The following PTK2 variants were observed in gnomAD, a reference collection of about 807,000 sequenced individuals.
PTK2 encodes the protein protein tyrosine kinase 2.
A neutral mutation model predicts 150.1 loss-of-function variants in PTK2; 45 were observed. That is an observed-to-expected ratio of 0.30 (90% CI 0.24 to 0.38). The LOEUF is 0.38. PTK2 is among the 10% of genes least tolerant of loss of function. The probability of loss-of-function intolerance (pLI) is 1.00; values close to 1 mark genes in which losing one functional copy is unlikely to be tolerated. For synonymous variants in PTK2, 432 were observed against 449.2 expected, an observed-to-expected ratio of 0.96 and a Z score of 0.48; for missense variants, 919 against 1,307.3, an observed-to-expected ratio of 0.70 and a Z score of 4.58.
At chr8:140,865,358 CT>C (rs1051933534) in intron 4 of PTK2, among the ~76,000 whole-genome samples, 10 of 152,232 alleles carry the variant, frequency 6.6e-5, no homozygotes, top group Non-Finnish European at 1.0e-4. Context: ...GCCTCCACCC[CT>C]GGCCATGTTC....
intron 7 of PTK2, among the ~76,000 whole-genome samples, chr8:140,833,748 C>A (rs1258164326): frequency 6.6e-6 from 1 of 152,162 alleles, no homozygotes; most frequent in East Asian, 1.9e-4. Flanking sequence ...TAATTCCTTA[C>A]TATATTAACT....
At position 140,902,924 on chromosome 8, in the gene PTK2, G is replaced by GTTTTTTGTTTTTTTTTT. The variant is rs2100159140; in HGVS notation, c.-32-12156_-32-12155insAAAAAAAAAACAAAAAA. 2.5e-4 allele frequency among the ~76,000 whole-genome samples: 15 copies of GTTTTTTGTTTTTTTTTT among 58,946 alleles called. 1 individual carries two copies. The highest frequency in any genetic ancestry group is 4.6e-4 in the Non-Finnish European group (12 of 26,328). 38.7% of individuals were successfully genotyped at this position (58,946 alleles called of 152,430 possible). On this transcript the variant is annotated intron_variant, in intron 2 of 31. Coordinates refer to ENST00000522684, the Ensembl canonical transcript of PTK2. ...TTGCCTGTTCACTCTGATGAGAGTT[G>GTTTTTTGTTTTTTTTTT]TTTTTTTTTTTTTTTTTTTTTTTTT...
At chr8:140,715,084 A>C (rs1420128367) in intron 23 of PTK2, among the ~76,000 whole-genome samples, 1 of 147,736 alleles carries the variant, frequency 6.8e-6, no homozygotes, top group South Asian at 2.2e-4. Context: ...TTAACATATT[A>C]GTATTTGTTA....
chr8:140,844,667 T>C (rs1369649852), intron 7 of PTK2, among the ~76,000 whole-genome samples: 2 of 151,730 alleles, frequency 1.3e-5, no homozygotes, highest in South Asian at 2.1e-4. Flanking sequence ...CCGTGTATTA[T>C]TCCTCCTCTC....
At chr8:140,745,279 C>G (rs1366452738) in intron 18 of PTK2, among the ~76,000 whole-genome samples, 1 of 152,174 alleles carries the variant, frequency 6.6e-6, no homozygotes, top group East Asian at 1.9e-4. Context: ...ACAGAACAGT[C>G]ATGTTGGGTA....
intron 14 of PTK2, among the ~76,000 whole-genome samples, chr8:140,765,602 C>G (rs970802405): frequency 6.6e-6 from 1 of 151,978 alleles, no homozygotes; most frequent in African/African-American, 2.4e-5. Context: ...TATTCTTATA[C>G]GTTTATAAGA....
At chr8:140,968,486 A>G (rs188067058) in intron 1 of PTK2, among the ~76,000 whole-genome samples, 89 of 152,340 alleles carry the variant, frequency 5.8e-4, no homozygotes, top group African/African-American at 2.0e-3. Flanking sequence ...TCTACTAAAC[A>G]GAAGAGAAAA....
At chr8:140,733,747 T>G (rs1158535300) in intron 22 of PTK2, among the ~76,000 whole-genome samples, 2 of 152,198 alleles carry the variant, frequency 1.3e-5, no homozygotes, top group African/African-American at 4.8e-5. Flanking sequence ...TGTTTAGAAT[T>G]ACCCTGAAGG....
At chr8:140,701,110 T>C (rs1203593574) in intron 25 of PTK2, 88 bp from the exon 29 acceptor site, 5 of 1,398,598 alleles carry the variant, frequency 3.6e-6, no homozygotes, top group Non-Finnish European at 4.8e-6. Context: ...CAAGAAAAGA[T>C]AAGCAAAACA....
At chr8:140,715,155 GTTTTTTTTTTT>G (rs67306225) in intron 23 of PTK2, among the ~76,000 whole-genome samples, 10 of 56,016 alleles carry the variant, frequency 1.8e-4, no homozygotes, top group East Asian at 6.6e-4. Flanking sequence ...CATTAAAACC[GTTTTTTTTTTT>G]TTTTTTTTTT....
chr8:140,909,102 G>A (rs2100162083), intron 2 of PTK2: 1 of 154,064 alleles, frequency 6.5e-6, no homozygotes, highest in Non-Finnish European at 1.5e-5. Flanking sequence ...TGAGGCAGGA[G>A]GCAGAGGTTG....
At chr8:140,822,946 G>A (rs1432474580) in intron 8 of PTK2, among the ~76,000 whole-genome samples, 1 of 152,170 alleles carries the variant, frequency 6.6e-6, no homozygotes, top group Non-Finnish European at 1.5e-5. Context: ...AGACAGTTCA[G>A]ATTTCTTTAG....
At chr8:140,810,448 G>A (rs984641278) in intron 10 of PTK2, among the ~76,000 whole-genome samples, 2 of 152,148 alleles carry the variant, frequency 1.3e-5, no homozygotes, top group Non-Finnish European at 2.9e-5. Context: ...CCTGCTTGCA[G>A]GGTAGCCTTG....
rs780267021 is a variant in PTK2, at chr8:140,761,170, T to A, written c.1327A>T (p.Ser443Cys). ...GGTAGTCTTAAAAGACTTACTGGAC[T>A]CATATAAATGCCTTGATGTACATCT... Residue 443 changes from serine to cysteine, a missense_variant, in exon 16 of 32, where the codon AGT (serine) becomes TGT (cysteine). This residue lies in a region of PTK2 where 555 missense variants were observed against 880.1 expected (regional missense o/e 0.63). Coordinates refer to ENST00000522684, the Ensembl canonical transcript of PTK2. 3.1e-6 allele frequency: 5 copies of A among 1,600,392 alleles called. No individual in the cohort carries two copies. In the African/African-American group the frequency reaches 6.7e-5, roughly 21 times the overall value.
At chr8:140,771,195 TGAAA>T (rs2154558578) in intron 14 of PTK2, 1 of 153,350 alleles carries the variant, frequency 6.5e-6, no homozygotes, top group South Asian at 2.0e-4. Context: ...TCTTCATTTG[TGAAA>T]GAGTTTTACG....
At chr8:140,812,688 A>G (rs954464725) in intron 10 of PTK2, among the ~76,000 whole-genome samples, 3 of 152,208 alleles carry the variant, frequency 2.0e-5, no homozygotes, top group Non-Finnish European at 4.4e-5. Flanking sequence ...ATGGAGAAAA[A>G]TCCATCATTC....
intron 31 of PTK2, 33 bp downstream of exon 35, chr8:140,664,884 A>G: frequency 6.3e-7 from 1 of 1,595,626 alleles, no homozygotes; most frequent in Non-Finnish European, 8.6e-7. Context: ...CAGTGCTGTC[A>G]CAGAGGGCTG....
intron 1 of PTK2, among the ~76,000 whole-genome samples, chr8:140,936,285 C>T (rs1292215114): frequency 1.3e-5 from 2 of 152,138 alleles, no homozygotes; most frequent in African/African-American, 4.8e-5. Flanking sequence ...TACACATCTA[C>T]ATCACCTAAA....
chr8:140,945,414 T>C (rs2100177346), intron 1 of PTK2, among the ~76,000 whole-genome samples: 1 of 151,964 alleles, frequency 6.6e-6, no homozygotes, highest in South Asian at 2.1e-4. Flanking sequence ...GTGAGAGCCT[T>C]CCTCCACAAA....
Sources: gnomAD v4.1 joint callset for allele counts (sites outside exome capture counted in the v4.1 genomes callset) on GRCh38, gnomAD v4.1.1 for gene constraint, gnomAD v4.1.1 regional missense constraint, MANE v1.5 for transcripts, NCBI Gene and HGNC (gene_info 2026-07-23, HGNC 2026-07-21) for gene names.